KMT2E: variants seen among roughly 807,000 people sequenced by gnomAD.
The protein encoded by KMT2E is histone reader KMT2E.
Under a neutral mutation model 184.6 loss-of-function variants are expected in KMT2E, and 30 were observed. The ratio of observed to expected loss-of-function variants is 0.16; its 90% CI spans 0.12 to 0.22. The LOEUF (loss-of-function observed/expected upper bound fraction) is 0.22. KMT2E is among the 10% of genes least tolerant of loss of function. The probability of loss-of-function intolerance (pLI) is 1.00; values close to 1 mark genes in which losing one functional copy is unlikely to be tolerated. For synonymous variants in KMT2E, 815 were observed against 776.5 expected, an observed-to-expected ratio of 1.05 and a Z score of -0.82; for missense variants, 2,023 against 2,237.4, an observed-to-expected ratio of 0.90 and a Z score of 1.93.
chr7:105,093,790 G>C (rs1225898168), intron 15 of KMT2E, among the ~76,000 whole-genome samples: 1 of 152,048 alleles, frequency 6.6e-6, no homozygotes, highest in Non-Finnish European at 1.5e-5. Context: ...TCCTGATTTT[G>C]CTTATTAGTA....
At position 105,113,388 on chromosome 7, in the gene KMT2E, A is replaced by C; in HGVS notation, c.*55A>C. Reference sequence around the variant, plus strand: ...TTCTGTAAGATAAACTGTATATTTCATATGTACCTGTTAAGGTACTTTTTA... The same window carrying C: ...TTCTGTAAGATAAACTGTATATTTCCTATGTACCTGTTAAGGTACTTTTTA... On this transcript the variant is annotated 3_prime_UTR_variant, in exon 27 of 27. Coordinates refer to ENST00000311117, the MANE Select transcript of KMT2E (RefSeq NM_182931.3). The C allele has an allele frequency of 1.3e-6, 2 of 1,523,736 alleles. No individual in the cohort carries two copies. The highest frequency in any genetic ancestry group is 1.8e-4 in the Middle Eastern group (1 of 5,706). The allele number at this position is 1,523,736 out of a possible 1,614,324, so 94.4% of individuals were successfully genotyped here. A position where few individuals can be genotyped will look rare whatever the true frequency, so the allele number is the denominator to read the frequency against.
intron 6 of KMT2E, among the ~76,000 whole-genome samples, chr7:105,070,402 G>A (rs759037585): frequency 1.3e-5 from 2 of 151,810 alleles, no homozygotes; most frequent in East Asian, 1.9e-4. Flanking sequence ...AGGCTGAGGC[G>A]GGTGGATCAC....
intron 1 of KMT2E, among the ~76,000 whole-genome samples, chr7:105,032,911 C>T (rs147352405): frequency 3.6e-4 from 55 of 152,290 alleles, no homozygotes; most frequent in Non-Finnish European, 6.0e-4. Context: ...GTAGAATATA[C>T]CAGTGAAACA....
intron 3 of KMT2E, among the ~76,000 whole-genome samples, chr7:105,042,021 A>T (rs1046380258): frequency 1.3e-5 from 2 of 152,042 alleles, no homozygotes; most frequent in African/African-American, 4.8e-5. Flanking sequence ...GTTTTGTGAC[A>T]GAGTCTCACT....
rs779256476 is a variant in KMT2E at position 105,106,580 on chromosome 7, A to C, written c.2655A>C (p.Ser885=). The part of the protein sequence containing the change: ...RFYQLLDSVY[S]ETSTPTPSPY... ...ATCAGTTGCTAGATTCGGTTTACTC[A>C]GAAACCTCCACACCTACTCCTTCCC... The change falls in exon 20 of 27, where the codon TCA becomes TCC. Residue 885 remains serine (S), a synonymous_variant. Transcript: ENST00000311117. The C allele has an allele frequency of 5.0e-6, 8 of 1,613,098 alleles. No individual in the cohort carries two copies. The East Asian group carries it at 1.8e-4, about 36-fold the overall frequency.
intron 3 of KMT2E, among the ~76,000 whole-genome samples, chr7:105,050,273 C>T (rs1284275552): frequency 2.6e-5 from 4 of 152,166 alleles, no homozygotes; most frequent in Middle Eastern, 3.2e-3. Flanking sequence ...CATCCCTTCT[C>T]TTTCTTCCTA....
At chr7:105,019,967 G>T (rs867369456) in intron 1 of KMT2E, among the ~76,000 whole-genome samples, 31 of 151,954 alleles carry the variant, frequency 2.0e-4, no homozygotes, top group African/African-American at 7.3e-4. Flanking sequence ...AATTAGCCGG[G>T]CGTGGTGGCA....
At chr7:105,058,872 T>C (rs1472560710) in intron 3 of KMT2E, among the ~76,000 whole-genome samples, 1 of 152,178 alleles carries the variant, frequency 6.6e-6, no homozygotes, top group East Asian at 1.9e-4. Context: ...AGAAAATCTT[T>C]TTTGGATTCA....
intron 3 of KMT2E, among the ~76,000 whole-genome samples, chr7:105,046,383 T>G (rs879850868): frequency 2.6e-5 from 4 of 152,218 alleles, no homozygotes; most frequent in Admixed American, 6.5e-5. Flanking sequence ...CTTTTTTTCT[T>G]CCTTTCTTTC....
Position 105,102,601 on chromosome 7 carries a change from G to GA in KMT2E, c.2196+410dup, listed in dbSNP as rs1243145608. The GA allele has an allele frequency of 1.9e-5, 3 of 153,960 alleles. No individual in the cohort carries two copies. The East Asian group carries it at 5.7e-4, about 29-fold the overall frequency. The allele number at this position is 153,960 out of a possible 1,614,324, so 9.5% of individuals were successfully genotyped here. ...CAGAATGTACTATGAAAATTTGTAA[G>GA]AAAGAGTAGTTTTAGGTGTAATTAT... is the stretch of plus-strand genomic sequence containing the variant. On this transcript the variant is annotated intron_variant, in intron 17 of 26. Coordinates refer to ENST00000311117, the MANE Select transcript of KMT2E (RefSeq NM_182931.3).
chr7:105,043,305 C>T (rs1488178004), intron 3 of KMT2E, among the ~76,000 whole-genome samples: 18 of 147,702 alleles, frequency 1.2e-4, no homozygotes, highest in African/African-American at 2.5e-4. Context: ...GGCGGGATCT[C>T]GGCTCACTGC....
intron 23 of KMT2E, 133 bp downstream of exon 23, chr7:105,109,361 T>C (rs1002394634): frequency 3.3e-6 from 3 of 907,948 alleles, no homozygotes; most frequent in Non-Finnish European, 4.9e-6. Flanking sequence ...TCTCTGCTAA[T>C]AGGATTTTAA....
At position 105,110,381 on chromosome 7, in the gene KMT2E, G is replaced by C. The variant is rs772600036; in HGVS notation, c.3844+13G>C. 2.5e-6 allele frequency: 4 copies of C among 1,613,938 alleles called. No individual in the cohort carries two copies. In the South Asian group the frequency reaches 3.3e-5, roughly 13 times the overall value. On this transcript the variant is annotated intron_variant, in intron 24 of 26. Coordinates refer to ENST00000311117, the MANE Select transcript of KMT2E (RefSeq NM_182931.3). Reference sequence around the variant, plus strand: ...GATAAAGATAGTGGTAAGTGAGCTTGTTCCTTCACCAGAAAGTGGAATCAG... The same window carrying C: ...GATAAAGATAGTGGTAAGTGAGCTTCTTCCTTCACCAGAAAGTGGAATCAG...
In KMT2E at chr7:105,026,141, C is replaced by T. The variant is rs75451584; in HGVS notation, c.-189+11606C>T. Reference sequence around the variant, plus strand: ...TTCTCCATGTTAACTTTGATGAACTCGCAAACATCTAGTCTCCTGTATATA... The same window carrying T: ...TTCTCCATGTTAACTTTGATGAACTTGCAAACATCTAGTCTCCTGTATATA... On this transcript the variant is annotated intron_variant, in intron 1 of 26. Coordinates refer to ENST00000311117, the MANE Select transcript of KMT2E (RefSeq NM_182931.3). Among the ~76,000 whole-genome samples, 560 of 152,212 alleles carry T rather than the reference C, an allele frequency of 3.7e-3. 15 individuals are homozygous for T. In the East Asian group the frequency reaches 0.062, roughly 17 times the overall value.
chr7:105,063,252 G>C, intron 4 of KMT2E, 99 bp from the exon 5 acceptor site: 1 of 835,634 alleles, frequency 1.2e-6, no homozygotes, highest in Non-Finnish European at 1.8e-6. Flanking sequence ...CATATCTCTT[G>C]AGTATTGAAA....
intron 16 of KMT2E, 51 bp from the exon 17 acceptor site, chr7:105,101,835 C>G: frequency 1.5e-6 from 2 of 1,360,816 alleles, no homozygotes; most frequent in Non-Finnish European, 2.0e-6. Context: ...TATATTTAAA[C>G]TTTATATATA....
intron 3 of KMT2E, among the ~76,000 whole-genome samples, chr7:105,054,458 GTCTATCTATCTATCTATCTATCTA>G (rs71152935): frequency 2.2e-4 from 30 of 136,620 alleles, no homozygotes; most frequent in South Asian, 4.6e-4. Flanking sequence ...CTGTCTGTCT[GTCTATCTATCTATCTATCTATCTA>G]TCTATCTATC....
Position 105,107,564 on chromosome 7 carries a change from A to G in KMT2E, c.3107A>G (p.His1036Arg), listed in dbSNP as rs570356711. 15 of 1,614,124 alleles carry G rather than the reference A, an allele frequency of 9.3e-6. No individual in the cohort carries two copies. In the East Asian group the frequency reaches 2.7e-4, roughly 29 times the overall value. ...GLDAVEPTAL[H>R]KTLETPAHDR... ...GATGCAGTTGAGCCAACTGCCCTACATAAAACCCTGGAAACGCCTGCACAT... is the reference window on the plus strand; with the variant it reads ...GATGCAGTTGAGCCAACTGCCCTACGTAAAACCCTGGAAACGCCTGCACAT... The change falls in exon 22 of 27, where the codon CAT becomes CGT. Residue 1036 changes from histidine (H) to arginine (R), a missense_variant. This residue lies in a region of KMT2E where 1,108 missense variants were observed against 1,050.9 expected (regional missense o/e 1.05). Coordinates refer to ENST00000311117, the MANE Select transcript of KMT2E (RefSeq NM_182931.3).
chr7:105,030,932 T>C (rs565965801), intron 1 of KMT2E, among the ~76,000 whole-genome samples: 1 of 152,278 alleles, frequency 6.6e-6, no homozygotes, highest in East Asian at 1.9e-4. Flanking sequence ...ATGCACGTTG[T>C]TTTTAGAGAG....
Sources: gnomAD v4.1 joint callset for allele counts (sites outside exome capture counted in the v4.1 genomes callset) on GRCh38, gnomAD v4.1.1 for gene constraint, gnomAD v4.1.1 regional missense constraint, MANE v1.5 for transcripts, NCBI Gene and HGNC (gene_info 2026-07-23, HGNC 2026-07-21) for gene names.